KCNH7: variants seen among roughly 807,000 people sequenced by gnomAD.
KCNH7 encodes the protein voltage-gated inwardly rectifying potassium channel KCNH7.
Under a neutral mutation model 120.8 loss-of-function variants are expected in KCNH7, and 49 were observed. The observed-to-expected ratio is 0.41, with a 90% CI of 0.32 to 0.51. The LOEUF (loss-of-function observed/expected upper bound fraction) is 0.51. KCNH7 is among the 20% of genes least tolerant of loss of function. The pLI is 0.38. For missense variants in KCNH7, 1,097 were observed against 1,446.6 expected, an observed-to-expected ratio of 0.76 and a Z score of 3.92; for synonymous variants, 547 against 516.1, an observed-to-expected ratio of 1.06 and a Z score of -0.81.
At chr2:162,670,294 C>G (rs145199550) in intron 2 of KCNH7, among the ~76,000 whole-genome samples, 1 of 150,906 alleles carries the variant, frequency 6.6e-6, no homozygotes, top group South Asian at 2.1e-4. Context: ...GCCAACAAGG[C>G]GAAACCCCAC....
chr2:162,482,604 A>C (rs1192718488), intron 6 of KCNH7, among the ~76,000 whole-genome samples: 1 of 152,182 alleles, frequency 6.6e-6, no homozygotes, highest in Non-Finnish European at 1.5e-5. Context: ...TAGCACTTTA[A>C]AAAAGTTATA....
intron 13 of KCNH7, 54 bp downstream of exon 13, chr2:162,384,634 C>T: frequency 6.5e-7 from 1 of 1,549,886 alleles, no homozygotes; most frequent in Non-Finnish European, 8.8e-7. Context: ...TAAAAAGTCA[C>T]CATTTTGTGA....
At chr2:162,492,163 G>A (rs1690332344) in intron 6 of KCNH7, among the ~76,000 whole-genome samples, 1 of 152,168 alleles carries the variant, frequency 6.6e-6, no homozygotes, top group South Asian at 2.1e-4. Flanking sequence ...CCTCTGTAAA[G>A]TTTTGATTAA....
chr2:162,733,602 A>C (rs1687804334), intron 2 of KCNH7, among the ~76,000 whole-genome samples: 1 of 152,216 alleles, frequency 6.6e-6, no homozygotes, highest in African/African-American at 2.4e-5. Context: ...ATGAGCCAAA[A>C]GTGATTGTTA....
intron 3 of KCNH7, among the ~76,000 whole-genome samples, chr2:162,524,431 G>A (rs1481974718): frequency 6.6e-6 from 1 of 151,988 alleles, no homozygotes; most frequent in East Asian, 1.9e-4. Context: ...CCAGCAGCTG[G>A]GCTGTCTCAG....
chr2:162,799,067 T>A (rs1210652407), intron 2 of KCNH7, among the ~76,000 whole-genome samples: 1 of 152,072 alleles, frequency 6.6e-6, no homozygotes, highest in Non-Finnish European at 1.5e-5. Context: ...TTGAATAGGG[T>A]CAGTTTTGTG....
chr2:162,614,098 T>C (rs1574171042), intron 2 of KCNH7, among the ~76,000 whole-genome samples: 1 of 152,070 alleles, frequency 6.6e-6, no homozygotes. Context: ...AACTTGTACA[T>C]ACCTGTGACA....
intron 2 of KCNH7, among the ~76,000 whole-genome samples, chr2:162,682,330 A>T (rs1685738614): frequency 6.6e-6 from 1 of 151,820 alleles, no homozygotes. Flanking sequence ...AGTTAGAACC[A>T]TAAAGCCTTG....
In KCNH7 at chr2:162,435,307, G is replaced by A; in HGVS notation, c.1845C>T (p.Val615=). 6.2e-6 allele frequency: 10 copies of A among 1,613,862 alleles called. No individual in the cohort carries two copies. Among genetic ancestry groups the A allele is most frequent in the Non-Finnish European group, 8.5e-6 (10 of 1,179,824 alleles). The change falls in exon 8 of 16, where the codon GTC becomes GTT. Residue 615 remains valine, a synonymous_variant. Transcript: ENST00000332142. ...SSGPSIKDKY[V]TALYFTFSSL... ...TGCTGAAGGTAAAATAAAGTGCTGT[G>A]ACGTATTTGTCTTTAATGGATGGTC...
intron 2 of KCNH7, among the ~76,000 whole-genome samples, chr2:162,618,227 C>T (rs1410492198): frequency 6.6e-6 from 1 of 151,946 alleles, no homozygotes; most frequent in African/African-American, 2.4e-5. Context: ...AGAGTTTTAT[C>T]TATCCCTTTC....
chr2:162,482,849 GA>G (rs1383669421), intron 6 of KCNH7, among the ~76,000 whole-genome samples: 5 of 152,118 alleles, frequency 3.3e-5, no homozygotes, highest in Non-Finnish European at 5.9e-5. Flanking sequence ...ATATAAAACT[GA>G]AAGTGTATAC....
chr2:162,827,286 T>G (rs1231200026), intron 2 of KCNH7, among the ~76,000 whole-genome samples: 1 of 152,072 alleles, frequency 6.6e-6, no homozygotes, highest in African/African-American at 2.4e-5. Flanking sequence ...AAGGACACCA[T>G]GTATGTCCCT....
intron 2 of KCNH7, among the ~76,000 whole-genome samples, chr2:162,786,912 G>A (rs1344731601): frequency 2.0e-5 from 3 of 152,226 alleles, no homozygotes; most frequent in Non-Finnish European, 4.4e-5. Flanking sequence ...CTTGAGCGAA[G>A]CACGAGAATA....
At chr2:162,724,600 A>T (rs1687451233) in intron 2 of KCNH7, among the ~76,000 whole-genome samples, 1 of 146,390 alleles carries the variant, frequency 6.8e-6, no homozygotes. Context: ...TGAACCCGGG[A>T]GGCGGAGCTT....
intron 2 of KCNH7, among the ~76,000 whole-genome samples, chr2:162,544,909 G>A (rs1035185628): frequency 2.0e-5 from 3 of 152,088 alleles, no homozygotes; most frequent in Admixed American, 2.0e-4. Flanking sequence ...GAATTAAAGT[G>A]TTTAAGAATA....
At chr2:162,469,842 G>A (rs1379561822) in intron 6 of KCNH7, among the ~76,000 whole-genome samples, 1 of 152,112 alleles carries the variant, frequency 6.6e-6, no homozygotes, top group Non-Finnish European at 1.5e-5. Context: ...GAGTGCCTGC[G>A]ATTGCAGGCG....
chr2:162,502,921 G>T, intron 6 of KCNH7, among the ~76,000 whole-genome samples: 1 of 152,022 alleles, frequency 6.6e-6, no homozygotes, highest in East Asian at 1.9e-4. Flanking sequence ...GCCTAAAAAA[G>T]AGTTCAAGGC....
At chr2:162,681,258 T>G (rs1685700285) in intron 2 of KCNH7, among the ~76,000 whole-genome samples, 1 of 151,342 alleles carries the variant, frequency 6.6e-6, no homozygotes, top group Admixed American at 6.6e-5. Flanking sequence ...AAAAAAGCAG[T>G]GTATGTCAAG....
At chr2:162,706,973 C>T (rs1314259914) in intron 2 of KCNH7, among the ~76,000 whole-genome samples, 1 of 152,096 alleles carries the variant, frequency 6.6e-6, no homozygotes, top group East Asian at 1.9e-4. Context: ...TCTCCGGTTT[C>T]ATGGTGTTCT....
Sources: gnomAD v4.1 joint callset for allele counts (sites outside exome capture counted in the v4.1 genomes callset) on GRCh38, gnomAD v4.1.1 for gene constraint, MANE v1.5 for transcripts, NCBI Gene and HGNC (gene_info 2026-07-23, HGNC 2026-07-21) for gene names.